The following DPYSL3 variants were observed in gnomAD, a reference collection of about 807,000 sequenced individuals.
DPYSL3 encodes the protein dihydropyrimidinase-related protein 3.
In DPYSL3, 16 loss-of-function variants were observed where a neutral mutation model predicts 66.1. The ratio of observed to expected loss-of-function variants is 0.24; its 90% CI spans 0.16 to 0.37. The LOEUF is 0.37. Ranked by LOEUF, DPYSL3 falls within the 10% of genes least tolerant of loss-of-function variation. DPYSL3 has a pLI of 1.00. For missense variants in DPYSL3, 738 were observed against 916.2 expected (o/e 0.81, Z 2.51); for synonymous variants, 338 against 345.1 (o/e 0.98, Z 0.23).
rs544817415 is a variant in DPYSL3, at chr5:147,413,635, A to G, written c.843T>C (p.Tyr281=). 4.4e-5 allele frequency: 71 copies of G among 1,613,136 alleles called. No individual in the cohort carries two copies. In the South Asian group the frequency reaches 7.5e-4, roughly 17 times the overall value. ...KDKGVNSFMV[Y]MAYKDLYQVS... is the part of the protein sequence containing the mutation. ...CTTGATACAAATCCTTATAAGCCAT[A>G]TAAACCATGAAGGAGTTAACCCCTG... Residue 281 remains tyrosine, a synonymous_variant, in exon 5 of 14, where the codon TAT becomes TAC. Coordinates refer to ENST00000343218, the MANE Select transcript of DPYSL3 (RefSeq NM_001197294.2).
chr5:147,412,677 G>T lies in DPYSL3; in HGVS notation c.894C>A (p.Ile298=), dbSNP rs1378259870. 2 of 1,611,434 alleles carry T rather than the reference G, an allele frequency of 1.2e-6. No homozygotes were observed. The highest frequency in any genetic ancestry group is 1.7e-6 in the Non-Finnish European group (2 of 1,178,730). ...YQVSNTELYE[I]FTCLGELGAI... is the part of the protein sequence containing the mutation. ...CCCCCAGCTCTCCCAGGCAGGTGAA[G>T]ATCTCATAGAGCTGAAATAGAAATG... The change falls in exon 6 of 14, where the codon ATC becomes ATA. Residue 298 remains isoleucine (I), a synonymous_variant. Transcript: ENST00000343218.
At chr5:147,397,038 T>G (rs1758003505) in intron 12 of DPYSL3, among the ~76,000 whole-genome samples, 1 of 147,942 alleles carries the variant, frequency 6.8e-6, no homozygotes, top group Non-Finnish European at 1.5e-5. Flanking sequence ...TATTTATATA[T>G]TTATATATTA....
intron 8 of DPYSL3, 98 bp from the exon 9 acceptor site, chr5:147,401,794 G>A (rs1335641309): frequency 6.9e-7 from 1 of 1,442,764 alleles, no homozygotes; most frequent in Admixed American, 2.5e-5. Context: ...CCAGGACTGT[G>A]TCTCAGAGTC....
At chr5:147,415,069 G>A (rs763239515) in intron 4 of DPYSL3, among the ~76,000 whole-genome samples, 1 of 152,136 alleles carries the variant, frequency 6.6e-6, no homozygotes, top group Non-Finnish European at 1.5e-5. Context: ...AAAAGAAGCA[G>A]AGAATGGAGG....
chr5:147,503,087 T>A (rs927128618), intron 1 of DPYSL3, among the ~76,000 whole-genome samples: 12 of 152,128 alleles, frequency 7.9e-5, no homozygotes, highest in African/African-American at 2.9e-4. Flanking sequence ...TAAAAGGGCA[T>A]CTATCACTGA....
At chr5:147,407,537 T>C (rs572485848) in intron 7 of DPYSL3, among the ~76,000 whole-genome samples, 3 of 152,200 alleles carry the variant, frequency 2.0e-5, no homozygotes, top group Non-Finnish European at 4.4e-5. Context: ...CTCTTCACGA[T>C]GAGTAAACCA....
intron 1 of DPYSL3, among the ~76,000 whole-genome samples, chr5:147,500,757 A>G (rs1235128753): frequency 1.3e-5 from 2 of 152,214 alleles, no homozygotes; most frequent in East Asian, 3.8e-4. Context: ...AAATTAAAAC[A>G]ACAATGAGAT....
intron 1 of DPYSL3, among the ~76,000 whole-genome samples, chr5:147,491,324 A>G (rs934290470): frequency 1.3e-5 from 2 of 152,212 alleles, no homozygotes; most frequent in African/African-American, 2.4e-5. Context: ...CCTTGCCACT[A>G]CATTACTAAT....
chr5:147,495,398 G>C (rs1315289267), intron 1 of DPYSL3, among the ~76,000 whole-genome samples: 1 of 152,054 alleles, frequency 6.6e-6, no homozygotes, highest in Non-Finnish European at 1.5e-5. Context: ...TTCTGGCCAG[G>C]GCAATTAGGC....
intron 1 of DPYSL3, among the ~76,000 whole-genome samples, chr5:147,430,237 T>C (rs903100790): frequency 2.0e-5 from 3 of 151,964 alleles, no homozygotes; most frequent in Admixed American, 6.6e-5. Context: ...GGCTCACGCC[T>C]GTAATCCCAG....
chr5:147,499,777 A>T (rs1753575855), intron 1 of DPYSL3, among the ~76,000 whole-genome samples: 1 of 152,210 alleles, frequency 6.6e-6, no homozygotes, highest in Non-Finnish European at 1.5e-5. Context: ...AAATCAGAGG[A>T]CTGACAGTAC....
chr5:147,405,952 T>G (rs1042479838), intron 7 of DPYSL3: 30 of 441,104 alleles, frequency 6.8e-5, no homozygotes, highest in Non-Finnish European at 9.5e-5. Flanking sequence ...AGTAAAATAG[T>G]ATAGCACAGC....
At chr5:147,467,959 G>A (rs959627296) in intron 1 of DPYSL3, among the ~76,000 whole-genome samples, 2 of 152,060 alleles carry the variant, frequency 1.3e-5, no homozygotes, top group South Asian at 4.2e-4. Context: ...CTTTTATAAG[G>A]GCACTAACTG....
At chr5:147,449,855 T>G (rs1307177007) in intron 1 of DPYSL3, among the ~76,000 whole-genome samples, 1 of 152,324 alleles carries the variant, frequency 6.6e-6, no homozygotes, top group East Asian at 1.9e-4. Context: ...CTGTAACTTA[T>G]CAAAAGTTCC....
chr5:147,491,784 A>T (rs539597988), intron 1 of DPYSL3, among the ~76,000 whole-genome samples: 1 of 152,110 alleles, frequency 6.6e-6, no homozygotes, highest in Non-Finnish European at 1.5e-5. Flanking sequence ...ACCAAAACAG[A>T]ATATCCAAGA....
At chr5:147,477,559 ATCTT>A (rs1581211799) in intron 1 of DPYSL3, among the ~76,000 whole-genome samples, 1 of 129,592 alleles carries the variant, frequency 7.7e-6, no homozygotes, top group East Asian at 2.1e-4. Context: ...AAACACCTAA[ATCTT>A]TTTTTTTTTT....
chr5:147,505,296 G>A (rs973384680), intron 1 of DPYSL3, among the ~76,000 whole-genome samples: 16 of 151,972 alleles, frequency 1.1e-4, no homozygotes, highest in Non-Finnish European at 1.6e-4. Flanking sequence ...GTGCCATGGC[G>A]TGATCTTGGC....
chr5:147,466,528 G>C (rs891443263), intron 1 of DPYSL3, among the ~76,000 whole-genome samples: 4 of 152,078 alleles, frequency 2.6e-5, no homozygotes, highest in African/African-American at 9.7e-5. Flanking sequence ...GAGAACATGC[G>C]CCGGAGCTGC....
At chr5:147,429,411 C>T (rs1025273319) in intron 1 of DPYSL3, among the ~76,000 whole-genome samples, 1 of 152,078 alleles carries the variant, frequency 6.6e-6, no homozygotes. Context: ...CTCAGAGCAT[C>T]GTTTTTTTTC....
Sources: allele counts gnomAD v4.1 joint callset (sites outside exome capture counted in the v4.1 genomes callset), GRCh38; gene constraint gnomAD v4.1.1; transcripts MANE v1.5; gene names NCBI Gene and HGNC (gene_info 2026-07-23, HGNC 2026-07-21).